AAMDC: variants seen among roughly 807,000 people sequenced by gnomAD.
AAMDC encodes mth938 domain-containing protein.
AAMDC carries 16 observed loss-of-function variants against 15.5 expected under a neutral mutation model. That is an observed-to-expected ratio of 1.03 (90% CI 0.70 to 1.57). The LOEUF (loss-of-function observed/expected upper bound fraction) is 1.57. Among genes scored for constraint, AAMDC ranks in the 40% most tolerant of loss-of-function variants. AAMDC has a pLI of 0.00. For synonymous variants in AAMDC, 51 were observed against 51.6 expected (o/e 0.99, Z 0.05); for missense variants, 141 against 144.9 (o/e 0.97, Z 0.14).
chr11:77,842,095 CTTTAAT>C (rs1391212592), intron 1 of AAMDC, among the ~76,000 whole-genome samples: 1 of 152,120 alleles, frequency 6.6e-6, no homozygotes, highest in Non-Finnish European at 1.5e-5. Flanking sequence ...TGGTATATGC[CTTTAAT>C]TTTATTTCTA....
intron 1 of AAMDC, among the ~76,000 whole-genome samples, chr11:77,822,570 C>T (rs555804132): frequency 6.6e-6 from 1 of 152,080 alleles, no homozygotes; most frequent in African/African-American, 2.4e-5. Context: ...TTTTTTTCTT[C>T]ATTTCCAGGT....
intron 3 of AAMDC, 73 bp downstream of exon 3, chr11:77,869,890 C>A: frequency 6.9e-7 from 1 of 1,442,202 alleles, no homozygotes; most frequent in Non-Finnish European, 9.7e-7. Context: ...CAGACTTGTC[C>A]TTCTTGGGAG....
At chr11:77,876,829 G>A, downstream of AAMDC, 2 of 599,876 alleles carry the variant, frequency 3.3e-6, no homozygotes, top group Non-Finnish European at 6.0e-6. Context: ...TAACTTGGAG[G>A]ATTTTTATAA....
At chr11:77,891,001 G>A (rs958122861) in intron 5 of AAMDC, among the ~76,000 whole-genome samples, 47 of 152,042 alleles carry the variant, frequency 3.1e-4, no homozygotes, top group African/African-American at 1.0e-3. Flanking sequence ...AAATCTTAAC[G>A]TCACATTACA....
chr11:77,841,776 C>T (rs1225233735), intron 1 of AAMDC, among the ~76,000 whole-genome samples: 3 of 152,148 alleles, frequency 2.0e-5, no homozygotes, highest in Non-Finnish European at 4.4e-5. Flanking sequence ...TGTTAAATCC[C>T]ACCTAGTTTG....
intron 5 of AAMDC, among the ~76,000 whole-genome samples, chr11:77,897,468 A>G (rs1172645951): frequency 6.6e-6 from 1 of 151,720 alleles, no homozygotes; most frequent in Non-Finnish European, 1.5e-5. Flanking sequence ...TTATAAAAAC[A>G]TAATCAGCTG....
chr11:77,861,717 C>T (rs749162299), intron 2 of AAMDC, among the ~76,000 whole-genome samples: 1 of 152,204 alleles, frequency 6.6e-6, no homozygotes, highest in Non-Finnish European at 1.5e-5. Flanking sequence ...ATTAGGCATT[C>T]AATTTCCCTA....
chr11:77,884,680 T>A lies in AAMDC; in HGVS notation c.328+7631T>A, dbSNP rs1041647138. 10 of 219,332 alleles carry A rather than the reference T, an allele frequency of 4.6e-5. No homozygotes were observed. In the East Asian group the frequency reaches 1.2e-3, roughly 25 times the overall value. The allele number at this position is 219,332 out of a possible 1,614,324, so 13.6% of individuals were successfully genotyped here. A position where few individuals can be genotyped will look rare whatever the true frequency, so the allele number is the denominator to read the frequency against. On this transcript the variant is annotated intron_variant, in intron 5 of 5. Coordinates refer to the AAMDC transcript ENST00000304716. ...GTCAATGTTGAAACTGCGGAAGGCA[T>A]GTCTCACCCACTTGCCCTATAATCC...
chr11:77,878,553 C>A (rs1000189282), intron 5 of AAMDC: 1 of 503,550 alleles, frequency 2.0e-6, no homozygotes, highest in Admixed American at 3.7e-5. Flanking sequence ...GTTGCCCTGA[C>A]AAACACACCG....
chr11:77,878,157 T>TTG (rs1951653350), intron 5 of AAMDC, among the ~76,000 whole-genome samples: 5 of 151,982 alleles, frequency 3.3e-5, no homozygotes, highest in Admixed American at 3.3e-4. Flanking sequence ...GGTCAGGAGA[T>TTG]CAAGACCATC....
chr11:77,848,948 GC>G (rs1950258835), intron 2 of AAMDC, among the ~76,000 whole-genome samples: 2 of 151,892 alleles, frequency 1.3e-5, no homozygotes, highest in African/African-American at 4.8e-5. Flanking sequence ...GTGCCACAAT[GC>G]CTGGCTAATT....
chr11:77,879,185 A>G, intron 5 of AAMDC: 1 of 1,577,954 alleles, frequency 6.3e-7, no homozygotes, highest in Non-Finnish European at 8.7e-7. Flanking sequence ...AATGAGGATG[A>G]AATGTGAAGT....
intron 1 of AAMDC, among the ~76,000 whole-genome samples, chr11:77,832,330 C>A (rs544387137): frequency 1.4e-5 from 2 of 147,744 alleles, no homozygotes; most frequent in South Asian, 4.3e-4. Flanking sequence ...AATAGAGGAA[C>A]TTTTTTTTTT....
At chr11:77,823,452 G>A (rs578189747) in intron 1 of AAMDC, among the ~76,000 whole-genome samples, 1 of 151,358 alleles carries the variant, frequency 6.6e-6, no homozygotes, top group African/African-American at 2.4e-5. Context: ...TAATCTGGGC[G>A]AGGTGGGGTG....
At position 77,834,448 on chromosome 11, in the gene AAMDC, T is replaced by TG. The variant is rs560052688; in HGVS notation, c.-18-8031_-18-8030insG. On this transcript the variant is annotated intron_variant, in intron 1 of 3. Transcript: ENST00000393427. ...ATGGAGAAAGTTGATTTTGTTTTTTTTTTTTTTTTTTTTTGAGACAGAGTC... is the reference window on the plus strand; with the variant it reads ...ATGGAGAAAGTTGATTTTGTTTTTTTGTTTTTTTTTTTTTTGAGACAGAGTC... Among the ~76,000 whole-genome samples, 25 of 148,286 alleles carry TG rather than the reference T, an allele frequency of 1.7e-4. No homozygotes were observed. The South Asian group carries it at 4.1e-3, about 24-fold the overall frequency.
At chr11:77,866,005 G>A (rs1389613055) in intron 2 of AAMDC, among the ~76,000 whole-genome samples, 1 of 152,152 alleles carries the variant, frequency 6.6e-6, no homozygotes, top group East Asian at 1.9e-4. Context: ...GTCCACAGGG[G>A]ATAGATTCCA....
chr11:77,861,390 T>G (rs1950869636), intron 2 of AAMDC, among the ~76,000 whole-genome samples: 1 of 152,222 alleles, frequency 6.6e-6, no homozygotes, highest in Non-Finnish European at 1.5e-5. Context: ...GGAGGACAGT[T>G]GTCCAGGACA....
At chr11:77,885,667 A>G (rs1455468488) in intron 5 of AAMDC, among the ~76,000 whole-genome samples, 1 of 151,956 alleles carries the variant, frequency 6.6e-6, no homozygotes, top group Non-Finnish European at 1.5e-5. Flanking sequence ...AAAAATACAA[A>G]AATTAGCTGG....
chr11:77,847,107 C>T (rs911287132), intron 2 of AAMDC, among the ~76,000 whole-genome samples: 2 of 152,112 alleles, frequency 1.3e-5, no homozygotes, highest in African/African-American at 2.4e-5. Context: ...AGAAATCTTT[C>T]CTCATCTTTT....
Sources: allele counts gnomAD v4.1 joint callset (sites outside exome capture counted in the v4.1 genomes callset), GRCh38; gene constraint gnomAD v4.1.1; transcripts MANE v1.5; gene names NCBI Gene and HGNC (gene_info 2026-07-23, HGNC 2026-07-21).